The following CYP7B1 variants were observed in gnomAD, a reference collection of about 807,000 sequenced individuals.
CYP7B1 encodes cytochrome P450 7B1.
In CYP7B1, 29 loss-of-function variants were observed where a neutral mutation model predicts 42.7. The observed-to-expected ratio is 0.68, with a 90% CI of 0.51 to 0.93. The LOEUF (loss-of-function observed/expected upper bound fraction) is 0.93. CYP7B1 is among the 40% of genes least tolerant of loss of function. CYP7B1 has a pLI of 0.00. For synonymous variants in CYP7B1, 235 were observed against 218.2 expected (o/e 1.08, Z -0.68); for missense variants, 655 against 600.5 (o/e 1.09, Z -0.95).
rs1009607300 is a variant in CYP7B1, at chr8:64,594,563, G to A, written c.*2079C>T. Among the ~76,000 whole-genome samples, 1 of 152,078 alleles carries A rather than the reference G, an allele frequency of 6.6e-6. No individual in the cohort carries two copies. Among genetic ancestry groups the A allele is most frequent in the Non-Finnish European group, 1.5e-5 (1 of 68,012 alleles). On this transcript the variant is annotated 3_prime_UTR_variant, in exon 6 of 6. Coordinates refer to ENST00000310193, the MANE Select transcript of CYP7B1 (RefSeq NM_004820.5). ...GAAAGTGGGTATTAGGGACAAAACAGAATAAGTAAATAAAGCCAGAGGGAC... is the reference window on the plus strand; with the variant it reads ...GAAAGTGGGTATTAGGGACAAAACAAAATAAGTAAATAAAGCCAGAGGGAC...
chr8:64,788,135 GAATGTAAAACACAGAAAGAACCCT>G (rs1369475214), intron 1 of CYP7B1, among the ~76,000 whole-genome samples: 1 of 152,166 alleles, frequency 6.6e-6, no homozygotes, highest in Non-Finnish European at 1.5e-5. Flanking sequence ...AAAACCCACA[GAATGTAAAACACAGAAAGAACCCT>G]AATGTAAAGC....
intron 5 of CYP7B1, among the ~76,000 whole-genome samples, chr8:64,599,191 T>C (rs1003982091): frequency 6.6e-6 from 1 of 152,072 alleles, no homozygotes; most frequent in Non-Finnish European, 1.5e-5. Context: ...ATTCTTTTTC[T>C]TTTCTTTTTT....
intron 1 of CYP7B1, among the ~76,000 whole-genome samples, chr8:64,718,841 G>A (rs1373965449): frequency 6.6e-6 from 1 of 152,182 alleles, no homozygotes; most frequent in Non-Finnish European, 1.5e-5. Flanking sequence ...TAAATATAAA[G>A]TAGATTCCCG....
At chr8:64,639,362 G>A (rs1205456968) in intron 1 of CYP7B1, among the ~76,000 whole-genome samples, 1 of 152,022 alleles carries the variant, frequency 6.6e-6, no homozygotes, top group East Asian at 1.9e-4. Flanking sequence ...AGATGCTGAT[G>A]GCAGGGAAAG....
At chr8:64,745,706 C>CCA (rs1255862183) in intron 1 of CYP7B1, among the ~76,000 whole-genome samples, 1 of 152,140 alleles carries the variant, frequency 6.6e-6, no homozygotes, top group Non-Finnish European at 1.5e-5. Context: ...TACATATTGG[C>CCA]CAGCATACAG....
At chr8:64,635,395 C>T (rs1383687450) in intron 1 of CYP7B1, among the ~76,000 whole-genome samples, 1 of 152,170 alleles carries the variant, frequency 6.6e-6, no homozygotes, top group African/African-American at 2.4e-5. Context: ...TGAAAAATTC[C>T]TGTATAAAAT....
At chr8:64,601,968 T>C (rs553695410) in intron 5 of CYP7B1, among the ~76,000 whole-genome samples, 106 of 152,194 alleles carry the variant, frequency 7.0e-4, no homozygotes, top group Non-Finnish European at 1.2e-3. Flanking sequence ...CCAGTACATA[T>C]GTTAATGTGC....
rs1195989038 is a variant in CYP7B1 at position 64,592,824 on chromosome 8, A to G, written c.*3818T>C. On this transcript the variant is annotated 3_prime_UTR_variant, in exon 6 of 6. Transcript: ENST00000310193. The stretch of plus-strand genomic sequence containing the variant: ...AGCTCTGAGACGGAAATTGTTTAAT[A>G]ATAAGCCAGTTATGTCACAGCCAGA... 6.6e-6 allele frequency among the ~76,000 whole-genome samples: 1 copy of G among 152,240 alleles called. No individual in the cohort carries two copies. The highest frequency in any genetic ancestry group is 1.5e-5 in the Non-Finnish European group (1 of 68,042).
chr8:64,618,570 T>TTCTCTCTCTC (rs10530120), intron 2 of CYP7B1, among the ~76,000 whole-genome samples: 2,892 of 146,270 alleles, frequency 0.02, 69 homozygotes, highest in African/African-American at 0.057. Flanking sequence ...CACATTCATT[T>TTCTCTCTCTC]TCTCTCTCTC....
chr8:64,782,675 C>A (rs1436185682), intron 1 of CYP7B1, among the ~76,000 whole-genome samples: 3 of 152,030 alleles, frequency 2.0e-5, no homozygotes, highest in Non-Finnish European at 4.4e-5. Context: ...TCTGTTATGA[C>A]AAAACAGATG....
rs1805024692 is a variant in CYP7B1 at position 64,590,894 on chromosome 8, G to C, written c.*5748C>G. Among the ~76,000 whole-genome samples, 2 of 152,024 alleles carry C rather than the reference G, an allele frequency of 1.3e-5. No homozygotes were observed. The highest frequency in any genetic ancestry group is 2.4e-5 in the African/African-American group (1 of 41,410). ...TATTAAATTTTTGTTGTACATAAAA[G>C]AACATTAAGTATTAGACTTGCAAAG... On this transcript the variant is annotated 3_prime_UTR_variant, in exon 6 of 6. Coordinates refer to ENST00000310193, the MANE Select transcript of CYP7B1 (RefSeq NM_004820.5).
intron 1 of CYP7B1, among the ~76,000 whole-genome samples, chr8:64,644,538 G>A (rs1029586872): frequency 6.6e-6 from 1 of 152,096 alleles, no homozygotes; most frequent in Admixed American, 6.5e-5. Flanking sequence ...AGACATTGTA[G>A]CCAATACAAA....
chr8:64,686,608 A>T (rs1335677570), intron 1 of CYP7B1, among the ~76,000 whole-genome samples: 1 of 53,062 alleles, frequency 1.9e-5, no homozygotes, highest in African/African-American at 8.5e-5. Context: ...CTGCCCGGCC[A>T]CCACCCCGTC....
chr8:64,767,292 G>C (rs2129634317), intron 1 of CYP7B1, among the ~76,000 whole-genome samples: 1 of 152,076 alleles, frequency 6.6e-6, no homozygotes, highest in South Asian at 2.1e-4. Flanking sequence ...GAAACCTAAA[G>C]AAGTGGCAGT....
chr8:64,691,483 G>GGA (rs564758138), intron 1 of CYP7B1, among the ~76,000 whole-genome samples: 5 of 15,536 alleles, frequency 3.2e-4, no homozygotes, highest in East Asian at 8.3e-4. Flanking sequence ...GATGGCAACT[G>GGA]GGGGGGGGGG....
At position 64,593,235 on chromosome 8, in the gene CYP7B1, GTGTGTGTGTGTGTGT is replaced by G. The variant is rs1805064475; in HGVS notation, c.*3392_*3406del. 3.1e-4 allele frequency among the ~76,000 whole-genome samples: 16 copies of G among 51,666 alleles called. No individual in the cohort carries two copies. In the South Asian group the frequency reaches 5.2e-3, roughly 17 times the overall value. 33.9% of individuals were successfully genotyped at this position (51,666 alleles called of 152,430 possible). A position where few individuals can be genotyped will look rare whatever the true frequency, so the allele number is the denominator to read the frequency against. On this transcript the variant is annotated 3_prime_UTR_variant, in exon 6 of 6. Transcript: ENST00000310193. ...TGGACTAAAGGCTAGGGCCCAGGGT[GTGTGTGTGTGTGTGT>G]GTGTGTGTGTGTGTGTGTGTGTGTG...
intron 1 of CYP7B1, among the ~76,000 whole-genome samples, chr8:64,744,871 A>C (rs1305067413): frequency 1.3e-5 from 2 of 152,232 alleles, no homozygotes; most frequent in Admixed American, 6.5e-5. Context: ...TAACCCATTT[A>C]AACCACATTT....
chr8:64,646,624 G>A (rs1805958116), intron 1 of CYP7B1, among the ~76,000 whole-genome samples: 1 of 152,182 alleles, frequency 6.6e-6, no homozygotes, highest in Non-Finnish European at 1.5e-5. Flanking sequence ...GCTGTTTTGT[G>A]TACATGGAAA....
chr8:64,616,195 T>C lies in CYP7B1; in HGVS notation c.346A>G (p.Asn116Asp). 6.2e-7 allele frequency: 1 copy of C among 1,611,804 alleles called. No homozygotes were observed. ...HKQLSFRVFS[N>D]KLLEKAFSIS... Reference sequence around the variant, plus strand: ...CTAAATGCTTTCTCTAATAATTTATTAGAAAATACTCGAAAGCTTAATTGT... The same window carrying C: ...CTAAATGCTTTCTCTAATAATTTATCAGAAAATACTCGAAAGCTTAATTGT... The change falls in exon 3 of 6, where the codon AAT becomes GAT. Residue 116 changes from asparagine to aspartate, a missense_variant. Physicochemically the swap from Asn to Asp is conservative, Grantham distance 23 (BLOSUM62 1). Coordinates refer to ENST00000310193, the MANE Select transcript of CYP7B1 (RefSeq NM_004820.5).
Sources: allele counts gnomAD v4.1 joint callset (sites outside exome capture counted in the v4.1 genomes callset), GRCh38; gene constraint gnomAD v4.1.1; transcripts MANE v1.5; gene names NCBI Gene and HGNC (gene_info 2026-07-23, HGNC 2026-07-21).